CELF2: variants seen among roughly 807,000 people sequenced by gnomAD.
The protein encoded by CELF2 is CUGBP Elav-like family member 2, also known as CUG triplet repeat RNA-binding protein 2.
In CELF2, 8 loss-of-function variants were observed where a neutral mutation model predicts 62.6. That is an observed-to-expected ratio of 0.13 (90% CI 0.07 to 0.23). CELF2 has a LOEUF of 0.23. CELF2 is among the 10% of genes least tolerant of loss of function. CELF2 has a pLI of 1.00. For missense variants in CELF2, 333 were observed against 671.0 expected (o/e 0.50, Z 5.56); for synonymous variants, 258 against 250.0 (o/e 1.03, Z -0.30).
At chr10:11,004,971 G>C (rs890489020), upstream of CELF2, 1 of 845,138 alleles carries the variant, frequency 1.2e-6, no homozygotes, top group Non-Finnish European at 1.4e-6. This position sits in a 1 kb window ranked among gnomAD's most constrained non-coding sequence, Gnocchi z 5.0. Context: ...TGGGAAATTG[G>C]TTTTGCTATT....
At chr10:10,705,215 T>A in the CELF2 span, among the ~76,000 whole-genome samples, 97 of 152,238 alleles carry the variant, frequency 6.4e-4, no homozygotes, top group Middle Eastern at 3.4e-3. Context: ...TTTTCTTCCC[T>A]CCTATTCATC....
At chr10:10,471,507 G>A in the CELF2 span, among the ~76,000 whole-genome samples, 1 of 151,488 alleles carries the variant, frequency 6.6e-6, no homozygotes, top group Admixed American at 6.6e-5. Flanking sequence ...TTCCTGAGTA[G>A]AATATTGTAG....
chr10:10,508,301 A>G, the CELF2 span, among the ~76,000 whole-genome samples: 37 of 152,350 alleles, frequency 2.4e-4, no homozygotes, highest in African/African-American at 8.7e-4. Context: ...CCACTGAGTG[A>G]CTCGCAATAC....
Position 11,328,461 on chromosome 10 carries a change from C to T in CELF2, c.1439-465C>T, listed in dbSNP as rs1206240129. On this transcript the variant is annotated intron_variant, in intron 12 of 12. Transcript: ENST00000633077. This position sits in a 1 kb window ranked among gnomAD's most constrained non-coding sequence, Gnocchi z 6.4. ...AGTATCTGCTGTTCTCCAGCCCTTC[C>T]CTTCCCGAGCCTGCCTGTTGGCCTC... Among the ~76,000 whole-genome samples the T allele has an allele frequency of 1.3e-5, 2 of 152,212 alleles. No homozygotes were observed. Among genetic ancestry groups the T allele is most frequent in the East Asian group, 3.8e-4 (2 of 5,196 alleles).
chr10:11,147,478 C>A (rs1205184930), intron 1 of CELF2, among the ~76,000 whole-genome samples: 1 of 151,940 alleles, frequency 6.6e-6, no homozygotes, highest in Admixed American at 6.5e-5. Context: ...TTTTTTGTTT[C>A]TTTTAATATC....
At chr10:11,058,599 T>C (rs912764014) in intron 1 of CELF2, among the ~76,000 whole-genome samples, 3 of 151,380 alleles carry the variant, frequency 2.0e-5, no homozygotes, top group Non-Finnish European at 4.4e-5. Context: ...CCCGAGTAGC[T>C]GGGATTACAG....
chr10:10,918,283 A>G (rs1403333811), intron 1 of CELF2, among the ~76,000 whole-genome samples: 1 of 152,110 alleles, frequency 6.6e-6, no homozygotes, highest in African/African-American at 2.4e-5. Flanking sequence ...TGGAAAGAGA[A>G]TTTTTCATGC....
At chr10:11,068,181 T>C (rs1280198758) in intron 1 of CELF2, among the ~76,000 whole-genome samples, 1 of 152,236 alleles carries the variant, frequency 6.6e-6, no homozygotes. Context: ...AAACACAGTC[T>C]CTACGCTTAT....
chr10:11,215,049 T>C (rs2062948082), intron 2 of CELF2, among the ~76,000 whole-genome samples: 1 of 152,222 alleles, frequency 6.6e-6, no homozygotes, highest in Non-Finnish European at 1.5e-5. Context: ...CACTAAGAAC[T>C]TTGTTCAAGA....
intron 1 of CELF2, among the ~76,000 whole-genome samples, chr10:10,870,124 A>G (rs563357233): frequency 1.3e-5 from 2 of 152,240 alleles, no homozygotes; most frequent in African/African-American, 4.8e-5. Flanking sequence ...CACAATGTTC[A>G]TGTATTTTTA....
chr10:11,159,480 C>G lies in CELF2; in HGVS notation c.75-6006C>G, dbSNP rs1375277323. ...TGACCACTGACTCCTCTTCCTAAAT[C>G]GAAAGGATGCGCTAAGTTGAGCATG... On this transcript the variant is annotated intron_variant, in intron 1 of 12. Coordinates refer to ENST00000633077, the MANE Select transcript of CELF2 (RefSeq NM_001326342.2). The surrounding 1 kb of genome is among the most constrained non-coding windows in gnomAD (Gnocchi z 5.0). 1.3e-5 allele frequency among the ~76,000 whole-genome samples: 2 copies of G among 152,162 alleles called. No homozygotes were observed. The highest frequency in any genetic ancestry group is 2.9e-5 in the Non-Finnish European group (2 of 68,032).
intron 3 of CELF2, among the ~76,000 whole-genome samples, chr10:11,226,852 G>A (rs540513503): frequency 1.3e-5 from 2 of 152,348 alleles, no homozygotes; most frequent in Admixed American, 6.5e-5. Flanking sequence ...AAGAGGTACT[G>A]CTTTGCGAAA....
chr10:10,863,242 C>G (rs1037018993), intron 1 of CELF2, among the ~76,000 whole-genome samples: 1 of 152,206 alleles, frequency 6.6e-6, no homozygotes, highest in African/African-American at 2.4e-5. Flanking sequence ...ATTAATCCCA[C>G]TATCACATTA....
At chr10:11,228,674 G>A (rs2067425513) in intron 3 of CELF2, among the ~76,000 whole-genome samples, 1 of 147,536 alleles carries the variant, frequency 6.8e-6, no homozygotes, top group Non-Finnish European at 1.5e-5. Context: ...GTCTTCTGCA[G>A]CTCATAGAGG....
At chr10:11,160,038 T>C (rs1596365553) in intron 1 of CELF2, among the ~76,000 whole-genome samples, 1 of 152,306 alleles carries the variant, frequency 6.6e-6, no homozygotes, top group South Asian at 2.1e-4. Context: ...TTGTCAGCTC[T>C]CCAGCCTGCA....
Position 11,075,908 on chromosome 10 carries a change from ATGAG to A in CELF2, c.74+57749_74+57752del, listed in dbSNP as rs1455162771. Among the ~76,000 whole-genome samples, 1 of 152,168 alleles carries A rather than the reference ATGAG, an allele frequency of 6.6e-6. No individual in the cohort carries two copies. Among genetic ancestry groups the A allele is most frequent in the African/African-American group, 2.4e-5 (1 of 41,448 alleles). On this transcript the variant is annotated intron_variant, in intron 1 of 12. Transcript: ENST00000633077. This position sits in a 1 kb window ranked among gnomAD's most constrained non-coding sequence, Gnocchi z 5.4. ...AAACTGCCAACATCAGTATCTCAGA[ATGAG>A]TGAAACAAAAAGCTTTCCTTTTTCT...
rs34163796 is a variant in CELF2, at chr10:10,913,379, C to CTTTTTTT, written c.54-6563_54-6557dup. Among the ~76,000 whole-genome samples, 177 of 57,360 alleles carry CTTTTTTT rather than the reference C, an allele frequency of 3.1e-3. 21 individuals carry two copies. The highest frequency in any genetic ancestry group is 6.2e-3 in the East Asian group (10 of 1,620). The allele number at this position is 57,360 out of a possible 152,430, so 37.6% of individuals were successfully genotyped here. The stretch of plus-strand genomic sequence containing the variant: ...AATATATATGCCTTTGTAATGATGT[C>CTTTTTTT]TTTTTTTTTTTTTTTTTTTTTTTTT... On this transcript the variant is annotated intron_variant, in intron 1 of 13. Transcript: ENST00000636488.
At chr10:10,865,292 G>A (rs1209917207) in intron 1 of CELF2, among the ~76,000 whole-genome samples, 3 of 152,176 alleles carry the variant, frequency 2.0e-5, no homozygotes, top group Non-Finnish European at 4.4e-5. Context: ...ACAAAACAGA[G>A]TTCAAGTGGC....
chr10:10,706,269 A>AC, the CELF2 span, among the ~76,000 whole-genome samples: 1 of 152,188 alleles, frequency 6.6e-6, no homozygotes, highest in Non-Finnish European at 1.5e-5. Context: ...CAAAGGATAG[A>AC]CCCTTATTCA....
Sources: gnomAD v4.1 joint callset for allele counts (sites outside exome capture counted in the v4.1 genomes callset) on GRCh38, gnomAD v4.1.1 for gene constraint, Gnocchi (gnomAD v3.1) non-coding constraint, MANE v1.5 for transcripts, NCBI Gene and HGNC (gene_info 2026-07-23, HGNC 2026-07-21) for gene names.